Variants in BRINP3 observed in about 807,000 individuals in gnomAD.
BRINP3 encodes BMP/retinoic acid-inducible neural-specific protein 3.
A neutral mutation model predicts 71.0 loss-of-function variants in BRINP3; 19 were observed. The observed-to-expected ratio is 0.27, with a 90% CI of 0.19 to 0.39. The LOEUF (loss-of-function observed/expected upper bound fraction) is 0.39, where lower values mean the gene tolerates loss of function less well. Among genes scored for constraint, BRINP3 ranks in the 10% least tolerant of loss-of-function variants. BRINP3 has a pLI of 1.00. For synonymous variants in BRINP3, 380 were observed against 337.7 expected (o/e 1.13, Z -1.37); for missense variants, 959 against 940.8 (o/e 1.02, Z -0.25).
chr1:190,174,461 A>T (rs1418275626), intron 6 of BRINP3, among the ~76,000 whole-genome samples: 2 of 152,128 alleles, frequency 1.3e-5, no homozygotes, highest in Non-Finnish European at 2.9e-5. Context: ...TGTACATTGG[A>T]TTATAAACAC....
At chr1:190,433,344 G>C (rs1674231988) in intron 2 of BRINP3, among the ~76,000 whole-genome samples, 1 of 152,114 alleles carries the variant, frequency 6.6e-6, no homozygotes, top group Non-Finnish European at 1.5e-5. Context: ...GAACTTAACT[G>C]TGGCATTGAA....
chr1:190,314,811 G>A (rs1437071765), intron 2 of BRINP3, among the ~76,000 whole-genome samples: 2 of 152,206 alleles, frequency 1.3e-5, no homozygotes, highest in South Asian at 2.1e-4. Context: ...TTGAATGCAC[G>A]CATAAGAATT....
intron 4 of BRINP3, among the ~76,000 whole-genome samples, chr1:190,256,908 C>G (rs1558116477): frequency 6.6e-6 from 1 of 152,116 alleles, no homozygotes; most frequent in Non-Finnish European, 1.5e-5. Context: ...TTCTCTCTGG[C>G]TGCCCTTATT....
In BRINP3 at chr1:190,296,763, A is replaced by T. The variant is rs150736408; in HGVS notation, c.237-15013T>A. The stretch of plus-strand genomic sequence containing the variant: ...GTACCATTCCTATACACTAACAAAG[A>T]ACTATCCACAAAAGGAATTAAGAAA... On this transcript the variant is annotated intron_variant, in intron 2 of 7. Transcript: ENST00000367462. Among the ~76,000 whole-genome samples the T allele has an allele frequency of 4.9e-3, 746 of 152,182 alleles. 6 individuals carry two copies. Among genetic ancestry groups the T allele is most frequent in the African/African-American group, 0.017 (701 of 41,532 alleles).
chr1:190,216,123 T>C (rs1656397024), intron 6 of BRINP3, among the ~76,000 whole-genome samples: 1 of 151,774 alleles, frequency 6.6e-6, no homozygotes, highest in Non-Finnish European at 1.5e-5. Context: ...TGGTAATTAT[T>C]TGCACAAGTC....
rs115086334 is a variant in BRINP3 at position 190,168,688 on chromosome 1, A to T, written c.962-7798T>A. On this transcript the variant is annotated intron_variant, in intron 6 of 7. Coordinates refer to ENST00000367462, the MANE Select transcript of BRINP3 (RefSeq NM_199051.3). ...TTACATTGCTTGTTTTTCATGTTTG[A>T]CACAATTCCAGGAATTTGGGATGCA... Among the ~76,000 whole-genome samples, 1,382 of 152,296 alleles carry T rather than the reference A, an allele frequency of 9.1e-3. 67 individuals carry two copies. Among genetic ancestry groups the T allele is most frequent in the Admixed American group, 0.07 (1,073 of 15,284 alleles).
intron 2 of BRINP3, among the ~76,000 whole-genome samples, chr1:190,339,883 G>T (rs6671234): frequency 0.14 from 20,653 of 151,794 alleles, 1,844 homozygotes; most frequent in South Asian, 0.26. Context: ...TGTAATTTAA[G>T]ATTGCAAAAG....
At chr1:190,334,869 C>T (rs1273620717) in intron 2 of BRINP3, among the ~76,000 whole-genome samples, 1 of 151,334 alleles carries the variant, frequency 6.6e-6, no homozygotes, top group South Asian at 2.1e-4. Context: ...AGATTAGGAA[C>T]ATGCAAAAAA....
intron 2 of BRINP3, among the ~76,000 whole-genome samples, chr1:190,292,086 T>A (rs1176747611): frequency 6.6e-6 from 1 of 151,976 alleles, no homozygotes; most frequent in African/African-American, 2.4e-5. Flanking sequence ...ATATGTGAAA[T>A]CTGAAAAAGT....
At chr1:190,255,847 T>G (rs906926884) in intron 4 of BRINP3, among the ~76,000 whole-genome samples, 2 of 152,184 alleles carry the variant, frequency 1.3e-5, no homozygotes, top group African/African-American at 4.8e-5. Flanking sequence ...TGCTCTTGCT[T>G]CTCTAGTTCT....
chr1:190,256,289 T>A (rs543409741), intron 4 of BRINP3, among the ~76,000 whole-genome samples: 2 of 152,316 alleles, frequency 1.3e-5, no homozygotes, highest in African/African-American at 4.8e-5. Context: ...TAGGTCTGTT[T>A]TATCAGAGAC....
chr1:190,455,625 G>A (rs1054284016), intron 1 of BRINP3, among the ~76,000 whole-genome samples: 1 of 151,830 alleles, frequency 6.6e-6, no homozygotes, highest in East Asian at 1.9e-4. Context: ...TCATTATTCT[G>A]TTAGGAAAAA....
intron 4 of BRINP3, among the ~76,000 whole-genome samples, chr1:190,240,268 A>T (rs959933809): frequency 1.3e-5 from 2 of 152,070 alleles, no homozygotes; most frequent in African/African-American, 4.8e-5. Flanking sequence ...TCTTATTATT[A>T]TAATTACTAT....
chr1:190,441,174 C>T (rs1043315663), intron 2 of BRINP3, among the ~76,000 whole-genome samples: 4 of 151,668 alleles, frequency 2.6e-5, no homozygotes, highest in African/African-American at 9.7e-5. Context: ...AATACAGATC[C>T]ACAGTGCTGT....
intron 6 of BRINP3, among the ~76,000 whole-genome samples, chr1:190,164,162 A>T (rs563547579): frequency 6.6e-6 from 1 of 152,146 alleles, no homozygotes; most frequent in African/African-American, 2.4e-5. Flanking sequence ...AACGTAAAAA[A>T]ACTTTGACCA....
At chr1:190,120,367 TA>T (rs1653534621) in intron 7 of BRINP3, among the ~76,000 whole-genome samples, 1 of 152,210 alleles carries the variant, frequency 6.6e-6, no homozygotes, top group South Asian at 2.1e-4. Context: ...ATACAACATA[TA>T]AAACAAGAAA....
chr1:190,180,922 T>A (rs991576814), intron 6 of BRINP3, among the ~76,000 whole-genome samples: 4 of 152,020 alleles, frequency 2.6e-5, no homozygotes, highest in South Asian at 2.1e-4. Context: ...TTTACATCAG[T>A]AAAGCACAAT....
chr1:190,457,213 G>T (rs1369705858), intron 1 of BRINP3, among the ~76,000 whole-genome samples: 2 of 152,104 alleles, frequency 1.3e-5, no homozygotes, highest in African/African-American at 4.8e-5. Flanking sequence ...AGGCCGAGGA[G>T]GGCGGATCAC....
At chr1:190,430,643 C>T (rs1024893222) in intron 2 of BRINP3, among the ~76,000 whole-genome samples, 1 of 152,142 alleles carries the variant, frequency 6.6e-6, no homozygotes, top group Non-Finnish European at 1.5e-5. Context: ...GTGAGTTTCT[C>T]TTACTTAAGC....
Sources: gnomAD v4.1 joint callset for allele counts (sites outside exome capture counted in the v4.1 genomes callset) on GRCh38, gnomAD v4.1.1 for gene constraint, MANE v1.5 for transcripts, NCBI Gene and HGNC (gene_info 2026-07-23, HGNC 2026-07-21) for gene names.